The following PTPN13 variants were observed in gnomAD, a reference collection of about 807,000 sequenced individuals.
The protein encoded by PTPN13 is tyrosine-protein phosphatase non-receptor type 13.
Under a neutral mutation model 284.0 loss-of-function variants are expected in PTPN13, and 191 were observed. That is an observed-to-expected ratio of 0.67 (90% CI 0.60 to 0.76). The LOEUF is 0.76. Ranked by LOEUF, PTPN13 falls within the 30% of genes least tolerant of loss-of-function variation. The pLI, the probability that PTPN13 is intolerant of heterozygous loss-of-function variation, is 0.00. For synonymous variants in PTPN13, 986 were observed against 1,022.3 expected, an observed-to-expected ratio of 0.96 and a Z score of 0.68; for missense variants, 2,797 against 2,939.9, an observed-to-expected ratio of 0.95 and a Z score of 1.12.
chr4:86,723,310 C>G (rs562020704), intron 10 of PTPN13, among the ~76,000 whole-genome samples: 32 of 152,318 alleles, frequency 2.1e-4, no homozygotes, highest in South Asian at 1.4e-3. Flanking sequence ...GAGCAAGGAG[C>G]TAGCATTGCC....
intron 22 of PTPN13, 57 bp downstream of exon 22, chr4:86,758,842 C>T (rs1347773424): frequency 7.6e-6 from 12 of 1,588,180 alleles, no homozygotes; most frequent in Non-Finnish European, 1.0e-5. Context: ...AATTTAGGAA[C>T]TTAGGCCAAA....
intron 20 of PTPN13, among the ~76,000 whole-genome samples, chr4:86,754,197 T>G (rs1414781700): frequency 6.6e-6 from 1 of 152,092 alleles, no homozygotes; most frequent in Admixed American, 6.5e-5. Flanking sequence ...ATTTTATTTT[T>G]GAATGTATCC....
intron 2 of PTPN13, among the ~76,000 whole-genome samples, chr4:86,643,722 G>A (rs980181452): frequency 4.6e-5 from 7 of 152,244 alleles, no homozygotes; most frequent in Admixed American, 2.0e-4. Flanking sequence ...GAGCTGAAAA[G>A]ATTTTAATCT....
intron 40 of PTPN13, among the ~76,000 whole-genome samples, chr4:86,791,062 A>G (rs1188620832): frequency 1.3e-5 from 2 of 152,144 alleles, no homozygotes; most frequent in African/African-American, 2.4e-5. Context: ...GGGAAGCACA[A>G]GGTGTCAGGG....
rs148019237 is a variant in PTPN13, at chr4:86,716,796, C to T, written c.1291+171C>T. On this transcript the variant is annotated intron_variant, in intron 8 of 47. Coordinates refer to ENST00000411767, the MANE Select transcript of PTPN13 (RefSeq NM_080683.3). ...TAGTAGTATTATAGAAACTAAATAG[C>T]AGTTTCTTCAAATAACGATGTAGTC... Among the ~76,000 whole-genome samples the T allele has an allele frequency of 4.6e-5, 7 of 152,232 alleles. No homozygotes were observed. The East Asian group carries it at 1.4e-3, about 29-fold the overall frequency.
chr4:86,706,396 A>T (rs1247163774), intron 7 of PTPN13, among the ~76,000 whole-genome samples: 2 of 152,162 alleles, frequency 1.3e-5, no homozygotes, highest in Non-Finnish European at 2.9e-5. Flanking sequence ...GTCTCTCCTT[A>T]AAAAAATTAT....
At chr4:86,702,299 A>C (rs554080733) in intron 7 of PTPN13, among the ~76,000 whole-genome samples, 4 of 152,342 alleles carry the variant, frequency 2.6e-5, no homozygotes, top group Non-Finnish European at 5.9e-5. Context: ...GCACAACTGT[A>C]GAAGATTATA....
chr4:86,772,706 G>C, intron 31 of PTPN13, 72 bp from the exon 32 acceptor site: 1 of 1,274,480 alleles, frequency 7.8e-7, no homozygotes. Flanking sequence ...AGTGTTTTCT[G>C]TTTCTGGCAC....
chr4:86,755,580 A>G (rs1300924710), intron 20 of PTPN13, among the ~76,000 whole-genome samples: 2 of 152,074 alleles, frequency 1.3e-5, no homozygotes, highest in African/African-American at 2.4e-5. Flanking sequence ...GTTTGACTTT[A>G]CAGTGGTGCA....
At chr4:86,597,688 C>T (rs1199284068) in intron 1 of PTPN13, among the ~76,000 whole-genome samples, 1 of 152,206 alleles carries the variant, frequency 6.6e-6, no homozygotes, top group Non-Finnish European at 1.5e-5. Flanking sequence ...CTGCTCTATC[C>T]TGCCCAACCC....
intron 16 of PTPN13, 110 bp from the exon 17 acceptor site, chr4:86,744,856 A>G (rs951313540): frequency 4.3e-5 from 35 of 819,824 alleles, no homozygotes; most frequent in Non-Finnish European, 6.1e-5. Context: ...ATGCATGACT[A>G]TATAGGATTA....
At position 86,811,034 on chromosome 4, in the gene PTPN13, TTCC is replaced by T; in HGVS notation, c.7300-9_7300-7del. On this transcript the variant is annotated splice_polypyrimidine_tract_variant and intron_variant, in intron 46 of 47. Coordinates refer to ENST00000411767, the MANE Select transcript of PTPN13 (RefSeq NM_080683.3). ...CCTTTGAATCTAACACATATGTGGT[TTCC>T]TCTGACAGTTTGACATCTCTGATTT... The T allele has an allele frequency of 6.2e-7, 1 of 1,611,284 alleles. No homozygotes were observed. Among genetic ancestry groups the T allele is most frequent in the Non-Finnish European group, 8.5e-7 (1 of 1,177,658 alleles).
At chr4:86,644,484 C>G (rs951812333) in intron 2 of PTPN13, among the ~76,000 whole-genome samples, 11 of 152,032 alleles carry the variant, frequency 7.2e-5, no homozygotes, top group African/African-American at 2.7e-4. Context: ...AAAGAAAATT[C>G]CAGGCCCATG....
In PTPN13 at chr4:86,701,264, C is replaced by T; in HGVS notation, c.658C>T (p.Leu220=). 3 of 1,590,834 alleles carry T rather than the reference C, an allele frequency of 1.9e-6. No homozygotes were observed. Among genetic ancestry groups the T allele is most frequent in the Admixed American group, 1.8e-5 (1 of 55,974 alleles). Reference sequence around the variant, plus strand: ...AGGAAGAAGCTCTACTTCTGATGTACTAGACATACAAAAGCCTCCACTCTC... The same window carrying T: ...AGGAAGAAGCTCTACTTCTGATGTATTAGACATACAAAAGCCTCCACTCTC... ...PTGRSSTSDV[L]DIQKPPLSHQ... Residue 220 remains leucine, a synonymous_variant, in exon 7 of 48, where the codon CTA becomes TTA. Coordinates refer to ENST00000411767, the MANE Select transcript of PTPN13 (RefSeq NM_080683.3).
intron 20 of PTPN13, among the ~76,000 whole-genome samples, chr4:86,753,991 G>C (rs1380954130): frequency 6.6e-6 from 1 of 152,004 alleles, no homozygotes; most frequent in East Asian, 1.9e-4. Context: ...ATATAGAATT[G>C]CTGGGTATTT....
intron 35 of PTPN13, among the ~76,000 whole-genome samples, chr4:86,779,171 A>T (rs1054168285): frequency 3.3e-5 from 5 of 152,128 alleles, no homozygotes; most frequent in African/African-American, 1.2e-4. Flanking sequence ...AAGGATGAAC[A>T]TGTACTGGTT....
chr4:86,716,394 G>C (rs1248866056), intron 7 of PTPN13, 136 bp from the exon 8 acceptor site: 2 of 599,504 alleles, frequency 3.3e-6, no homozygotes, highest in Non-Finnish European at 5.7e-6. Context: ...CGCATTATTT[G>C]AATACACTCC....
intron 2 of PTPN13, among the ~76,000 whole-genome samples, chr4:86,643,093 C>T (rs944613849): frequency 1.3e-5 from 2 of 152,158 alleles, no homozygotes; most frequent in African/African-American, 4.8e-5. Flanking sequence ...ATTTCCCTCA[C>T]TTAGGCAAGG....
intron 1 of PTPN13, among the ~76,000 whole-genome samples, chr4:86,604,713 T>C (rs562738006): frequency 1.3e-5 from 2 of 152,034 alleles, no homozygotes; most frequent in Non-Finnish European, 2.9e-5. Flanking sequence ...TAGAAATGTT[T>C]TATAAATACA....
Sources: gnomAD v4.1 joint callset for allele counts (sites outside exome capture counted in the v4.1 genomes callset) on GRCh38, gnomAD v4.1.1 for gene constraint, MANE v1.5 for transcripts, NCBI Gene and HGNC (gene_info 2026-07-23, HGNC 2026-07-21) for gene names.